PRKCB: variants seen among roughly 807,000 people sequenced by gnomAD.
PRKCB encodes protein kinase C beta.
In PRKCB, 13 loss-of-function variants were observed where a neutral mutation model predicts 81.5. The ratio of observed to expected loss-of-function variants is 0.16; its 90% confidence interval spans 0.10 to 0.25. The LOEUF (loss-of-function observed/expected upper bound fraction) is 0.25, where lower values mean the gene tolerates loss of function less well. Ranked by LOEUF, PRKCB falls within the 10% of genes least tolerant of loss-of-function variation. The probability of loss-of-function intolerance (pLI) is 1.00; values close to 1 mark genes in which losing one functional copy is unlikely to be tolerated. For synonymous variants in PRKCB, 335 were observed against 321.4 expected (o/e 1.04, Z -0.45); for missense variants, 509 against 875.7 (o/e 0.58, Z 5.29).
intron 5 of PRKCB, among the ~76,000 whole-genome samples, chr16:24,088,845 G>T (rs1966340859): frequency 6.6e-6 from 1 of 152,034 alleles, no homozygotes; most frequent in South Asian, 2.1e-4. Flanking sequence ...TATGATAGAA[G>T]ATCTTTTTCC....
intron 5 of PRKCB, among the ~76,000 whole-genome samples, chr16:24,088,376 G>A (rs973157729): frequency 2.6e-5 from 4 of 152,112 alleles, no homozygotes; most frequent in Non-Finnish European, 5.9e-5. Flanking sequence ...AAAGGTGAGG[G>A]AAGAGTCATG....
intron 2 of PRKCB, among the ~76,000 whole-genome samples, chr16:23,926,489 AT>A (rs1189495241): frequency 4.6e-5 from 7 of 151,780 alleles, no homozygotes; most frequent in Non-Finnish European, 7.4e-5. Context: ...TTCAAAAAAA[AT>A]AAATAATAAA....
intron 12 of PRKCB, among the ~76,000 whole-genome samples, chr16:24,178,694 G>A (rs1283191474): frequency 6.6e-6 from 1 of 152,178 alleles, no homozygotes; most frequent in African/African-American, 2.4e-5. Flanking sequence ...GCAGCACCAC[G>A]GACAGCGCCA....
intron 2 of PRKCB, among the ~76,000 whole-genome samples, chr16:23,842,915 A>G (rs1460199634): frequency 6.6e-6 from 1 of 152,230 alleles, no homozygotes; most frequent in African/African-American, 2.4e-5. Flanking sequence ...AGAATTGATG[A>G]TAATGAGTAA....
intron 2 of PRKCB, among the ~76,000 whole-genome samples, chr16:23,986,278 G>A (rs1320642500): frequency 6.6e-6 from 1 of 152,116 alleles, no homozygotes; most frequent in East Asian, 1.9e-4. Flanking sequence ...TTTTGAAACA[G>A]GGTCTCATTA....
chr16:24,023,762 G>T (rs1350227725), intron 3 of PRKCB, among the ~76,000 whole-genome samples: 1 of 152,160 alleles, frequency 6.6e-6, no homozygotes, highest in East Asian at 1.9e-4. Flanking sequence ...AATAGCCACT[G>T]GGTCCTCTGG....
chr16:23,857,701 TGA>T (rs996795017), intron 2 of PRKCB, among the ~76,000 whole-genome samples: 29 of 148,124 alleles, frequency 2.0e-4, no homozygotes, highest in East Asian at 3.9e-4. Flanking sequence ...CTTGAGGATG[TGA>T]GAGAGAGAGA....
chr16:23,873,146 G>A (rs1238212835), intron 2 of PRKCB, among the ~76,000 whole-genome samples: 1 of 146,106 alleles, frequency 6.8e-6, no homozygotes, highest in Non-Finnish European at 1.5e-5. Flanking sequence ...TGGCCAACGT[G>A]GCTAAACCCC....
chr16:23,875,580 A>ATATGTATGTATATCACACACATATG lies in PRKCB; in HGVS notation c.205+38181_205+38182insGTATATCACACACATATGTATGTAT, dbSNP rs10664900. ...TCACACACATGTGTATATCAAACACATATGTATATCACACACATATGTATG... is the reference window on the plus strand; with the variant it reads ...TCACACACATGTGTATATCAAACACATATGTATGTATATCACACACATATGTATGTATATCACACACATATGTATG... On this transcript the variant is annotated intron_variant, in intron 2 of 16. Transcript: ENST00000643927. 1.6e-3 allele frequency among the ~76,000 whole-genome samples: 24 copies of ATATGTATGTATATCACACACATATG among 15,164 alleles called. 2 individuals are homozygous for ATATGTATGTATATCACACACATATG. Among genetic ancestry groups the ATATGTATGTATATCACACACATATG allele is most frequent in the East Asian group, 3.0e-3 (1 of 328 alleles). The allele number at this position is 15,164 out of a possible 152,430, so 9.9% of individuals were successfully genotyped here. A position where few individuals can be genotyped will look rare whatever the true frequency, so the allele number is the denominator to read the frequency against.
In PRKCB at chr16:24,219,975, C is replaced by T. The variant is rs1596606559; in HGVS notation, c.*5159C>T. 5 of 1,613,954 alleles carry T rather than the reference C, an allele frequency of 3.1e-6. No individual in the cohort carries two copies. Among genetic ancestry groups the T allele is most frequent in the Middle Eastern group, 1.6e-4 (1 of 6,084 alleles). On this transcript the variant is annotated 3_prime_UTR_variant, in exon 17 of 17. Transcript: ENST00000643927. ...CCATTTGGCAGAGAGACAAGAGAGA[C>T]ACCTCCAACTTCGACAAAGAGTTCA...
At chr16:24,017,114 G>A (rs1213750034) in intron 3 of PRKCB, among the ~76,000 whole-genome samples, 1 of 152,174 alleles carries the variant, frequency 6.6e-6, no homozygotes, top group Non-Finnish European at 1.5e-5. Flanking sequence ...TGGGTATAAA[G>A]GTGTGTGCCT....
At chr16:24,176,562 A>G (rs566195161) in intron 12 of PRKCB, among the ~76,000 whole-genome samples, 1 of 152,356 alleles carries the variant, frequency 6.6e-6, no homozygotes, top group African/African-American at 2.4e-5. Flanking sequence ...TCATAGTGAC[A>G]ACATCTTTTT....
chr16:23,994,331 C>T (rs1315428999), intron 3 of PRKCB, among the ~76,000 whole-genome samples: 3 of 152,176 alleles, frequency 2.0e-5, no homozygotes, highest in Admixed American at 6.5e-5. Flanking sequence ...AGTTATTTCC[C>T]CAGTTCCAGA....
chr16:24,092,690 G>A, intron 5 of PRKCB, 101 bp from the exon 6 acceptor site: 3 of 1,158,430 alleles, frequency 2.6e-6, no homozygotes, highest in African/African-American at 1.5e-5. Flanking sequence ...CACTAAACAA[G>A]TGTGATGCCA....
chr16:24,096,666 A>AAT lies in PRKCB; in HGVS notation c.821+2408_821+2409dup, dbSNP rs58341820. 9.4e-3 allele frequency among the ~76,000 whole-genome samples: 308 copies of AAT among 32,598 alleles called. 2 individuals are homozygous for AAT. The highest frequency in any genetic ancestry group is 0.028 in the Admixed American group (63 of 2,266). The allele number at this position is 32,598 out of a possible 152,430, so 21.4% of individuals were successfully genotyped here. ...CCTTCCTATGGCAAAAAAAAAAAAA[A>AAT]ATATATATATATATATATATATATA... On this transcript the variant is annotated intron_variant, in intron 7 of 16. Transcript: ENST00000643927.
chr16:24,002,136 C>G (rs914879099), intron 3 of PRKCB, among the ~76,000 whole-genome samples: 1 of 151,954 alleles, frequency 6.6e-6, no homozygotes, highest in Non-Finnish European at 1.5e-5. Context: ...GTGGCTGGGC[C>G]GATGCTGGAT....
intron 16 of PRKCB, among the ~76,000 whole-genome samples, chr16:24,195,675 A>G (rs1171292981): frequency 6.6e-6 from 1 of 152,184 alleles, no homozygotes; most frequent in African/African-American, 2.4e-5. Context: ...TGCAGGGAAC[A>G]AGAGTCATTT....
At chr16:23,866,503 T>C (rs946607673) in intron 2 of PRKCB, among the ~76,000 whole-genome samples, 7 of 152,210 alleles carry the variant, frequency 4.6e-5, no homozygotes, top group African/African-American at 1.7e-4. Flanking sequence ...GCCTATTGTT[T>C]GTAAATTTGG....
chr16:23,908,059 C>T (rs1259462435), intron 2 of PRKCB, among the ~76,000 whole-genome samples: 1 of 151,950 alleles, frequency 6.6e-6, no homozygotes, highest in East Asian at 1.9e-4. Context: ...GAGAGAAAGT[C>T]CATCTAGACG....
Sources: allele counts gnomAD v4.1 joint callset (sites outside exome capture counted in the v4.1 genomes callset), GRCh38; gene constraint gnomAD v4.1.1; transcripts MANE v1.5; gene names NCBI Gene and HGNC (gene_info 2026-07-23, HGNC 2026-07-21).